Variants in CEP85L observed in about 807,000 individuals in gnomAD.
CEP85L encodes the protein centrosomal protein 85L, also known as centrosomal protein of 85 kDa-like.
Under a neutral mutation model 100.3 loss-of-function variants are expected in CEP85L, and 60 were observed. The observed-to-expected ratio is 0.60, with a 90% CI of 0.49 to 0.74. CEP85L has a LOEUF of 0.74. Among genes scored for constraint, CEP85L ranks in the 30% least tolerant of loss-of-function variants. The pLI is 0.00. For missense variants in CEP85L, 973 were observed against 936.2 expected, an observed-to-expected ratio of 1.04 and a Z score of -0.51; for synonymous variants, 319 against 322.7, an observed-to-expected ratio of 0.99 and a Z score of 0.12.
rs148192775 is a variant in CEP85L at position 118,623,345 on chromosome 6, C to A, written c.232+9108G>T. ...TTGTTGGTCTATGTTGATACCTTTACAAAGTGGGTGGAAGCCTTCCCCTGC... is the reference window on the plus strand; with the variant it reads ...TTGTTGGTCTATGTTGATACCTTTAAAAAGTGGGTGGAAGCCTTCCCCTGC... On this transcript the variant is annotated intron_variant, in intron 2 of 12. Transcript: ENST00000368491. 3.7e-3 allele frequency among the ~76,000 whole-genome samples: 569 copies of A among 152,316 alleles called. 3 individuals are homozygous for A. The highest frequency in any genetic ancestry group is 0.013 in the African/African-American group (543 of 41,568).
At chr6:118,483,370 C>G (rs150112728) in intron 7 of CEP85L, among the ~76,000 whole-genome samples, 2,173 of 151,986 alleles carry the variant, frequency 0.014, 34 homozygotes, top group Middle Eastern at 0.048. Context: ...AAGGTCTTGT[C>G]GAGCCTTGGT....
intron 5 of CEP85L, among the ~76,000 whole-genome samples, chr6:118,498,613 TAG>T (rs776515813): frequency 1.7e-5 from 1 of 59,348 alleles, no homozygotes; most frequent in Non-Finnish European, 3.4e-5. Flanking sequence ...AAAAAAAAAA[TAG>T]AGAGAGAGAA....
intron 3 of CEP85L, among the ~76,000 whole-genome samples, chr6:118,558,543 C>T (rs1326596119): frequency 2.0e-5 from 3 of 151,494 alleles, no homozygotes; most frequent in East Asian, 1.9e-4. Context: ...AAAGTTACTA[C>T]TCCTAACACA....
At chr6:118,594,337 A>G (rs1385255910) in intron 2 of CEP85L, among the ~76,000 whole-genome samples, 1 of 152,192 alleles carries the variant, frequency 6.6e-6, no homozygotes. Context: ...TATAGTATTC[A>G]AGAGCCCTAC....
chr6:118,558,630 C>T (rs1488519178), intron 3 of CEP85L, among the ~76,000 whole-genome samples: 1 of 57,110 alleles, frequency 1.8e-5, no homozygotes, highest in African/African-American at 6.4e-5. Flanking sequence ...TGCACATACA[C>T]ACACACACAC....
intron 3 of CEP85L, among the ~76,000 whole-genome samples, chr6:118,557,508 G>A (rs1778947099): frequency 2.6e-5 from 4 of 152,244 alleles, no homozygotes; most frequent in African/African-American, 7.2e-5. Flanking sequence ...GTGGGACTCT[G>A]GTTTCCTCCC....
intron 2 of CEP85L, among the ~76,000 whole-genome samples, chr6:118,602,857 G>A (rs908501891): frequency 2.8e-4 from 43 of 151,560 alleles, no homozygotes; most frequent in African/African-American, 9.7e-4. Context: ...GTCTCGCACG[G>A]TCACCCAGGC....
At chr6:118,619,241 T>C (rs1365217725) in intron 2 of CEP85L, among the ~76,000 whole-genome samples, 1 of 151,986 alleles carries the variant, frequency 6.6e-6, no homozygotes, top group Non-Finnish European at 1.5e-5. Flanking sequence ...CCTGAGACCT[T>C]AAAAAAGAAG....
intron 3 of CEP85L, among the ~76,000 whole-genome samples, chr6:118,542,910 A>AAAAAAAAAAAAAAAAAC (rs1562245042): frequency 6.8e-6 from 1 of 146,658 alleles, no homozygotes; most frequent in Non-Finnish European, 1.5e-5. Flanking sequence ...CAAAAAAAAA[A>AAAAAAAAAAAAAAAAAC]AAAAAAAAAA....
intron 1 of CEP85L, among the ~76,000 whole-genome samples, chr6:118,661,622 C>CA (rs1178658347): frequency 4.6e-5 from 7 of 151,086 alleles, no homozygotes; most frequent in South Asian, 2.1e-4. Context: ...CTTTGTTTTA[C>CA]AAAAAAAATC....
intron 2 of CEP85L, among the ~76,000 whole-genome samples, chr6:118,591,617 C>T (rs750407117): frequency 3.9e-5 from 6 of 152,078 alleles, no homozygotes; most frequent in South Asian, 2.1e-4. Context: ...AGGGTGTACA[C>T]GAAGTAACAA....
At chr6:118,602,093 AGAG>A in intron 2 of CEP85L, among the ~76,000 whole-genome samples, 1 of 152,132 alleles carries the variant, frequency 6.6e-6, no homozygotes, top group Non-Finnish European at 1.5e-5. Context: ...TAATGATTGC[AGAG>A]GGATGAAGAT....
At chr6:118,591,863 G>T (rs77175832) in intron 2 of CEP85L, among the ~76,000 whole-genome samples, 3 of 152,106 alleles carry the variant, frequency 2.0e-5, no homozygotes, top group African/African-American at 7.2e-5. Context: ...TATACATCAT[G>T]TTTAAGAATT....
rs1276560137 is a variant in CEP85L, at chr6:118,556,513, G to A, written c.1020+9016C>T. 3.6e-4 allele frequency among the ~76,000 whole-genome samples: 54 copies of A among 152,026 alleles called. 1 individual carries two copies. Among genetic ancestry groups the A allele is most frequent in the Admixed American group, 3.5e-3 (54 of 15,272 alleles). On this transcript the variant is annotated intron_variant, in intron 3 of 12. Coordinates refer to ENST00000368491, the MANE Select transcript of CEP85L (RefSeq NM_001042475.3). ...GGTTTCTTTGCCAAAGTAAATGCCG[G>A]GTTCTAACTAGTCATGCCTGATACT...
chr6:118,571,237 A>C (rs1583074841), intron 2 of CEP85L, among the ~76,000 whole-genome samples: 1 of 152,222 alleles, frequency 6.6e-6, no homozygotes, highest in African/African-American at 2.4e-5. Context: ...TAGGCTACCT[A>C]ATTGTAGCCA....
chr6:118,470,070 G>C (rs1409138265), intron 11 of CEP85L, among the ~76,000 whole-genome samples: 2 of 151,818 alleles, frequency 1.3e-5, no homozygotes, highest in Admixed American at 6.6e-5. Flanking sequence ...ATGTTGATAG[G>C]AACCACAAAC....
intron 4 of CEP85L, among the ~76,000 whole-genome samples, chr6:118,517,945 G>C (rs1376044686): frequency 1.3e-5 from 2 of 152,140 alleles, no homozygotes; most frequent in African/African-American, 2.4e-5. Context: ...TAGCATGAAG[G>C]GGTGTCGAAT....
chr6:118,616,647 A>T (rs1203113389), intron 2 of CEP85L, among the ~76,000 whole-genome samples: 4 of 128,386 alleles, frequency 3.1e-5, no homozygotes, highest in East Asian at 2.0e-4. Context: ...CCCTGTCTTT[A>T]AAAAAAAAAA....
intron 3 of CEP85L, among the ~76,000 whole-genome samples, chr6:118,549,266 C>T (rs1271425180): frequency 1.3e-5 from 2 of 151,812 alleles, no homozygotes; most frequent in Non-Finnish European, 3.0e-5. Flanking sequence ...TACTCCATTT[C>T]CTCTCTCGGA....
Sources: allele counts gnomAD v4.1 joint callset (sites outside exome capture counted in the v4.1 genomes callset), GRCh38; gene constraint gnomAD v4.1.1; transcripts MANE v1.5; gene names NCBI Gene and HGNC (gene_info 2026-07-23, HGNC 2026-07-21).